MAST2: variants seen among roughly 807,000 people sequenced by gnomAD.
MAST2 encodes the protein microtubule associated serine/threonine kinase 2.
Under a neutral mutation model 147.4 loss-of-function variants are expected in MAST2, and 70 were observed. The ratio of observed to expected loss-of-function variants is 0.47; its 90% CI spans 0.39 to 0.58. MAST2 has a LOEUF of 0.58. Among genes scored for constraint, MAST2 ranks in the 20% least tolerant of loss-of-function variants. MAST2 has a pLI of 0.00. For missense variants in MAST2, 2,080 were observed against 2,302.3 expected (o/e 0.90, Z 1.98); for synonymous variants, 869 against 896.8 (o/e 0.97, Z 0.55).
At chr1:45,982,873 T>C (rs571517957) in intron 5 of MAST2, among the ~76,000 whole-genome samples, 1 of 152,326 alleles carries the variant, frequency 6.6e-6, no homozygotes, top group Admixed American at 6.5e-5. Context: ...TAACTCTATA[T>C]GGATGGCATC....
At chr1:45,902,498 G>A (rs1043376988) in intron 4 of MAST2, among the ~76,000 whole-genome samples, 23 of 152,004 alleles carry the variant, frequency 1.5e-4, no homozygotes, top group African/African-American at 4.8e-4. Context: ...TTAGTAGAAC[G>A]AGCTAGGGAA....
chr1:45,824,554 G>C lies in MAST2; in HGVS notation c.299G>C (p.Arg100Thr), dbSNP rs766696508. 11 of 1,605,266 alleles carry C rather than the reference G, an allele frequency of 6.9e-6. No individual in the cohort carries two copies. In the South Asian group the frequency reaches 1.2e-4, roughly 18 times the overall value. ...QLSQDDCKLW[R>T]GNLASSLSGK... is the part of the protein sequence containing the mutation. ...AGTCAGGATGATTGTAAGTTATGGA[G>C]AGGAAACCTGGCCAGCTCTCTATCG... Residue 100 changes from arginine to threonine, a missense_variant, in exon 2 of 29, where the codon AGA becomes ACA. Transcript: ENST00000361297.
At position 46,032,297 on chromosome 1, in the gene MAST2, C is replaced by T. The variant is rs1646702571; in HGVS notation, c.3307C>T (p.Pro1103Ser). 1.2e-6 allele frequency: 2 copies of T among 1,614,090 alleles called. No homozygotes were observed. The highest frequency in any genetic ancestry group is 1.7e-6 in the Non-Finnish European group (2 of 1,180,042). ...CTTGCCAGCCCTTGGCAGCATGAGG[C>T]CTCCCATCATCATCCACCGAGCTGG... is the stretch of plus-strand genomic sequence containing the variant. The part of the protein sequence containing the change: ...DFLPALGSMR[P>S]PIIIHRAGKK... Residue 1103 changes from proline to serine, a missense_variant, in exon 25 of 29, where the codon CCT becomes TCT. Pro to Ser is a moderately conservative substitution (Grantham distance 74). Transcript: ENST00000361297.
chr1:45,860,184 C>T (rs1645927978), intron 3 of MAST2, among the ~76,000 whole-genome samples: 1 of 143,634 alleles, frequency 7.0e-6, no homozygotes, highest in African/African-American at 2.7e-5. Context: ...ATGGTAAACC[C>T]CTGTCTCTAC....
chr1:45,896,883 A>C (rs1309209467), intron 4 of MAST2, among the ~76,000 whole-genome samples: 1 of 152,216 alleles, frequency 6.6e-6, no homozygotes, highest in East Asian at 1.9e-4. Context: ...GGATGAGGCC[A>C]TTCCGGTTTG....
intron 5 of MAST2, among the ~76,000 whole-genome samples, chr1:45,980,051 G>A (rs1421034159): frequency 1.3e-5 from 2 of 152,050 alleles, no homozygotes; most frequent in Non-Finnish European, 1.5e-5. Context: ...TTGGGAGGCC[G>A]AGGCAGGTGG....
rs1025802354 is a variant in MAST2 at position 45,893,392 on chromosome 1, A to T, written c.500+10997A>T. 4.6e-4 allele frequency among the ~76,000 whole-genome samples: 69 copies of T among 151,260 alleles called. 1 individual carries two copies. The highest frequency in any genetic ancestry group is 6.3e-4 in the Non-Finnish European group (43 of 67,858). On this transcript the variant is annotated intron_variant, in intron 4 of 28. Transcript: ENST00000361297. ...ATTTATTTCATTTAATTTATTTTTT[A>T]TTTTATTTTAATTTTTTGCAGGGGG... is the stretch of plus-strand genomic sequence containing the variant.
rs201589013 is a variant in MAST2 at position 45,986,716 on chromosome 1, CAA to C, written c.593-10988_593-10987del. Among the ~76,000 whole-genome samples, 74 of 120,224 alleles carry C rather than the reference CAA, an allele frequency of 6.2e-4. No homozygotes were observed. The East Asian group carries it at 0.012, about 20-fold the overall frequency. 78.9% of individuals were successfully genotyped at this position (120,224 alleles called of 152,430 possible). On this transcript the variant is annotated intron_variant, in intron 5 of 28. Coordinates refer to ENST00000361297, the MANE Select transcript of MAST2 (RefSeq NM_015112.3). ...TGGGCGACACAGAGAGACTCCGTCT[CAA>C]AAAAAAAAAAAAAAAAAAAGAATAT...
chr1:45,834,459 A>G (rs1449727084), intron 3 of MAST2, among the ~76,000 whole-genome samples: 1 of 151,992 alleles, frequency 6.6e-6, no homozygotes, highest in African/African-American at 2.4e-5. Context: ...TTCTCAGAGG[A>G]CTTATTTTCC....
intron 4 of MAST2, among the ~76,000 whole-genome samples, chr1:45,919,851 T>A (rs552942368): frequency 5.1e-4 from 78 of 152,258 alleles, no homozygotes; most frequent in Non-Finnish European, 8.1e-4. Context: ...TAGTGCTTCA[T>A]TCCATTCTTC....
intron 19 of MAST2, 96 bp from the exon 20 acceptor site, chr1:46,029,735 G>C: frequency 1.3e-6 from 2 of 1,487,450 alleles, no homozygotes; most frequent in South Asian, 2.5e-5. Flanking sequence ...GATCCCCTAG[G>C]TATAGCTTCT....
intron 3 of MAST2, among the ~76,000 whole-genome samples, chr1:45,881,842 A>G (rs1646858256): frequency 6.6e-6 from 1 of 151,786 alleles, no homozygotes; most frequent in South Asian, 2.1e-4. Flanking sequence ...AAGGAAGGAT[A>G]AAGAAGTAAT....
At chr1:45,969,693 A>G (rs376194010) in intron 5 of MAST2, among the ~76,000 whole-genome samples, 2 of 152,042 alleles carry the variant, frequency 1.3e-5, no homozygotes, top group Admixed American at 6.6e-5. Context: ...GCTCCCACTG[A>G]TTCTATATTA....
chr1:45,884,247 C>A (rs1646981720), intron 4 of MAST2, among the ~76,000 whole-genome samples: 1 of 151,966 alleles, frequency 6.6e-6, no homozygotes, highest in South Asian at 2.1e-4. Context: ...TCAGTAAATA[C>A]ACAGTAATAT....
chr1:46,033,167 G>A lies in MAST2; in HGVS notation c.3537+449G>A, dbSNP rs554488011. Among the ~76,000 whole-genome samples, 20 of 151,980 alleles carry A rather than the reference G, an allele frequency of 1.3e-4. No homozygotes were observed. In the South Asian group the frequency reaches 4.0e-3, roughly 30 times the overall value. ...TAGGCACTTGTAATCCCGGCTACTC[G>A]GGAGGCTGAGGAAGGAGAATTGCTT... On this transcript the variant is annotated intron_variant, in intron 26 of 28. Coordinates refer to ENST00000361297, the MANE Select transcript of MAST2 (RefSeq NM_015112.3).
rs570712440 is a variant in MAST2 at position 45,930,262 on chromosome 1, G to A, written c.501-29124G>A. On this transcript the variant is annotated intron_variant, in intron 4 of 28. Transcript: ENST00000361297. The stretch of plus-strand genomic sequence containing the variant: ...CTGGCTAATTTTTTTTGTATTTTTA[G>A]TAGAGACGGGGTTTCACCATCTTGG... Among the ~76,000 whole-genome samples, 50 of 152,156 alleles carry A rather than the reference G, an allele frequency of 3.3e-4. No individual in the cohort carries two copies. In the East Asian group the frequency reaches 8.7e-3, roughly 26 times the overall value.
chr1:45,881,262 A>G (rs891890734), intron 3 of MAST2, among the ~76,000 whole-genome samples: 1 of 152,214 alleles, frequency 6.6e-6, no homozygotes, highest in Non-Finnish European at 1.5e-5. Context: ...AGATAAATAA[A>G]TATTGGTATA....
chr1:46,027,666 T>C lies in MAST2; in HGVS notation c.1920-65T>C, dbSNP rs546017119. ...AGCCTGAGTGGGGAAACTGGGCATA[T>C]ACTAAAATCAGTACTCTCAGAAAAC... On this transcript the variant is annotated intron_variant, in intron 16 of 28. Coordinates refer to ENST00000361297, the MANE Select transcript of MAST2 (RefSeq NM_015112.3). 9.7e-6 allele frequency: 15 copies of C among 1,548,442 alleles called. No individual in the cohort carries two copies. The African/African-American group carries it at 1.4e-4, about 14-fold the overall frequency.
At chr1:45,910,239 A>T (rs1028904494) in intron 4 of MAST2, among the ~76,000 whole-genome samples, 4 of 151,364 alleles carry the variant, frequency 2.6e-5, no homozygotes, top group African/African-American at 9.7e-5. Flanking sequence ...ATTTTCAGTG[A>T]TCTGTAGGAT....
Sources: gnomAD v4.1 joint callset for allele counts (sites outside exome capture counted in the v4.1 genomes callset) on GRCh38, gnomAD v4.1.1 for gene constraint, MANE v1.5 for transcripts, NCBI Gene and HGNC (gene_info 2026-07-23, HGNC 2026-07-21) for gene names.